Variants in ZNF148 observed in about 807,000 individuals in gnomAD.
ZNF148 encodes zinc finger protein 148.
ZNF148 carries 7 observed loss-of-function variants against 67.7 expected under a neutral mutation model. The observed-to-expected ratio is 0.10, with a 90% CI of 0.06 to 0.19. The LOEUF is 0.19. ZNF148 is among the 10% of genes least tolerant of loss of function. ZNF148 has a pLI of 1.00. For missense variants in ZNF148, 583 were observed against 947.1 expected (o/e 0.62, Z 5.05); for synonymous variants, 333 against 330.7 (o/e 1.01, Z -0.08).
intron 7 of ZNF148, among the ~76,000 whole-genome samples, chr3:125,250,594 C>T (rs1445536770): frequency 6.6e-6 from 1 of 152,180 alleles, no homozygotes; most frequent in African/African-American, 2.4e-5. Context: ...CCAAATGGCA[C>T]CCCAGTCATT....
intron 1 of ZNF148, chr3:125,357,313 GACAC>G (rs1942382359): frequency 1.2e-5 from 1 of 83,114 alleles, no homozygotes; most frequent in East Asian, 2.5e-4. Context: ...CACGCGCACA[GACAC>G]ACGCACGCAC....
At chr3:125,323,662 T>C (rs1940885815) in intron 2 of ZNF148, among the ~76,000 whole-genome samples, 1 of 152,044 alleles carries the variant, frequency 6.6e-6, no homozygotes, top group Non-Finnish European at 1.5e-5. Context: ...AACTTGGCCT[T>C]ATAAAGAACA....
intron 4 of ZNF148, among the ~76,000 whole-genome samples, chr3:125,309,343 A>G (rs188193031): frequency 2.0e-4 from 30 of 152,334 alleles, no homozygotes; most frequent in Non-Finnish European, 3.2e-4. Context: ...AAAATACCTT[A>G]AAATATAATG....
intron 5 of ZNF148, among the ~76,000 whole-genome samples, chr3:125,284,412 C>T (rs568323757): frequency 6.6e-6 from 1 of 152,102 alleles, no homozygotes; most frequent in Admixed American, 6.6e-5. Context: ...CCCAGATATA[C>T]AGCAATGTAA....
At position 125,232,311 on chromosome 3, in the gene ZNF148, G is replaced by T. The variant is rs1935885928; in HGVS notation, c.*30C>A. ...ACTCTTGATTAATCTGTTCTAAAGT[G>T]CCAGTATTATTTACACTTTTTTTTT... On this transcript the variant is annotated 3_prime_UTR_variant, in exon 9 of 9. Transcript: ENST00000360647. The surrounding 1 kb of genome is among the most constrained non-coding windows in gnomAD (Gnocchi z 4.2). The T allele has an allele frequency of 6.4e-7, 1 of 1,566,158 alleles. No individual in the cohort carries two copies. The highest frequency in any genetic ancestry group is 8.6e-7 in the Non-Finnish European group (1 of 1,160,556).
In ZNF148 at chr3:125,233,538, A is replaced by G; in HGVS notation, c.1188T>C (p.Asn396=). ...HPPKLVLKKI[N]SKRSLKQPLE... ...GTGGCTGTTTCAGACTTCTCTTACT[A>G]TTAATTTTTTTGAGAACTAACTTAG... Residue 396 remains asparagine, a synonymous_variant, in exon 9 of 9, where the codon AAT becomes AAC. Transcript: ENST00000360647. This position sits in a 1 kb window ranked among gnomAD's most constrained non-coding sequence, Gnocchi z 5.1. 1 of 1,613,876 alleles carries G rather than the reference A, an allele frequency of 6.2e-7. No homozygotes were observed. Among genetic ancestry groups the G allele is most frequent in the Non-Finnish European group, 8.5e-7 (1 of 1,179,934 alleles).
At chr3:125,329,344 ATTTT>A (rs1559760664) in intron 2 of ZNF148, among the ~76,000 whole-genome samples, 26 of 12,652 alleles carry the variant, frequency 2.1e-3, no homozygotes, top group African/African-American at 0.012. Context: ...TATATATAAA[ATTTT>A]ACATATATAA....
chr3:125,250,931 A>G (rs1936815141), intron 7 of ZNF148, among the ~76,000 whole-genome samples: 2 of 152,200 alleles, frequency 1.3e-5, no homozygotes, highest in South Asian at 4.1e-4. Flanking sequence ...AAACATACAC[A>G]AAAGTAGAGA....
chr3:125,226,682 G>A lies in ZNF148; in HGVS notation c.*5659C>T, dbSNP rs1659026948. On this transcript the variant is annotated 3_prime_UTR_variant, in exon 9 of 9. Coordinates refer to ENST00000360647, the MANE Select transcript of ZNF148 (RefSeq NM_021964.3). ...GCAATTCATTCATGGCATAATATAGGGTCAAGCAAGATTTTGTTTTTACAA... is the reference window on the plus strand; with the variant it reads ...GCAATTCATTCATGGCATAATATAGAGTCAAGCAAGATTTTGTTTTTACAA... The A allele has an allele frequency of 6.6e-6, 1 of 151,998 alleles. No individual in the cohort carries two copies. Among genetic ancestry groups the A allele is most frequent in the Admixed American group, 6.6e-5 (1 of 15,216 alleles). The allele number at this position is 151,998 out of a possible 1,614,324, so 9.4% of individuals were successfully genotyped here.
chr3:125,240,037 T>C (rs1208962590), intron 7 of ZNF148, among the ~76,000 whole-genome samples: 1 of 152,218 alleles, frequency 6.6e-6, no homozygotes, highest in East Asian at 1.9e-4. Context: ...GTGAACATAC[T>C]AAAAACTAAT....
chr3:125,265,890 C>G (rs1404832441), intron 7 of ZNF148, among the ~76,000 whole-genome samples: 1 of 151,640 alleles, frequency 6.6e-6, no homozygotes, highest in Non-Finnish European at 1.5e-5. Flanking sequence ...ACTAATCACA[C>G]AAATGTAAAA....
At chr3:125,317,660 T>TAGAGAGAGAGAGAGAG (rs66600598) in intron 3 of ZNF148, among the ~76,000 whole-genome samples, 740 of 62,078 alleles carry the variant, frequency 0.012, 5 homozygotes, top group African/African-American at 0.04. Context: ...TATATATATA[T>TAGAGAGAGAGAGAGAG]ATAGAGAGAG....
chr3:125,239,521 T>C (rs772681273), intron 7 of ZNF148, among the ~76,000 whole-genome samples: 1 of 152,024 alleles, frequency 6.6e-6, no homozygotes, highest in Non-Finnish European at 1.5e-5. Flanking sequence ...AAAATAATAA[T>C]AACAAAAGCA....
chr3:125,352,411 T>C (rs1196452377), intron 1 of ZNF148, among the ~76,000 whole-genome samples: 3 of 152,204 alleles, frequency 2.0e-5, no homozygotes, highest in Non-Finnish European at 4.4e-5. Flanking sequence ...AATTGACTGC[T>C]AATGGGTAGT....
intron 1 of ZNF148, among the ~76,000 whole-genome samples, chr3:125,341,384 T>C (rs1278923360): frequency 3.3e-5 from 5 of 149,526 alleles, no homozygotes; most frequent in Non-Finnish European, 7.4e-5. Context: ...TTTGGGAAGA[T>C]GAAGCAGGAG....
At chr3:125,358,616 T>C (rs1319587400) in intron 1 of ZNF148, among the ~76,000 whole-genome samples, 4 of 152,194 alleles carry the variant, frequency 2.6e-5, no homozygotes, top group African/African-American at 9.6e-5. Context: ...AAAATGACCT[T>C]TCCAAATATT....
At chr3:125,248,963 T>C (rs1045577633) in intron 7 of ZNF148, among the ~76,000 whole-genome samples, 1 of 152,194 alleles carries the variant, frequency 6.6e-6, no homozygotes, top group Admixed American at 6.5e-5. Context: ...CAATCTAGAA[T>C]ACCTGTCTTA....
intron 1 of ZNF148, chr3:125,356,996 T>C (rs766855286): frequency 6.6e-6 from 1 of 152,238 alleles, no homozygotes; most frequent in Non-Finnish European, 1.5e-5. Context: ...GACGTGAAAC[T>C]GTAAACACAA....
At chr3:125,276,444 T>G (rs1938075301) in intron 7 of ZNF148, among the ~76,000 whole-genome samples, 2 of 152,090 alleles carry the variant, frequency 1.3e-5, no homozygotes, top group Admixed American at 1.3e-4. Context: ...TTTATTTATT[T>G]ATTTTTGAGA....
Sources: allele counts gnomAD v4.1 joint callset (sites outside exome capture counted in the v4.1 genomes callset), GRCh38; gene constraint gnomAD v4.1.1; non-coding constraint Gnocchi (gnomAD v3.1); transcripts MANE v1.5; gene names NCBI Gene and HGNC (gene_info 2026-07-23, HGNC 2026-07-21).